The following ARHGAP11B variants were observed in gnomAD, a reference collection of about 807,000 sequenced individuals.
The protein encoded by ARHGAP11B is Rho GTPase activating protein 11B.
ARHGAP11B carries 14 observed loss-of-function variants against 27.6 expected under a neutral mutation model. The ratio of observed to expected loss-of-function variants is 0.51; its 90% CI spans 0.34 to 0.79. The LOEUF is 0.79. ARHGAP11B is among the 30% of genes least tolerant of loss of function. ARHGAP11B has a pLI of 0.02. For synonymous variants in ARHGAP11B, 82 were observed against 114.1 expected (o/e 0.72, Z 1.80); for missense variants, 245 against 320.1 (o/e 0.77, Z 1.79).
At chr15:30,641,801 C>T (rs922850665) in intron 7 of ARHGAP11B, among the ~76,000 whole-genome samples, 2 of 151,916 alleles carry the variant, frequency 1.3e-5, no homozygotes, top group African/African-American at 4.8e-5. Context: ...ACTACAACAT[C>T]CACCTCCGAT....
chr15:30,639,971 A>AGT (rs71103435), intron 7 of ARHGAP11B, among the ~76,000 whole-genome samples: 19,439 of 143,194 alleles, frequency 0.14, 1,064 homozygotes, highest in African/African-American at 0.18. Flanking sequence ...TTCAATATAG[A>AGT]GTGTGTGTGT....
rs909785903 is a variant in ARHGAP11B at position 30,630,899 on chromosome 15, G to C, written c.200+126G>C. The C allele has an allele frequency of 9.2e-6, 14 of 1,516,048 alleles. No individual in the cohort carries two copies. The African/African-American group carries it at 2.0e-4, about 21-fold the overall frequency. 93.9% of individuals were successfully genotyped at this position (1,516,048 alleles called of 1,614,324 possible). A position where few individuals can be genotyped will look rare whatever the true frequency, so the allele number is the denominator to read the frequency against. On this transcript the variant is annotated intron_variant, in intron 2 of 10. Coordinates refer to ENST00000428041, the Ensembl canonical transcript of ARHGAP11B. ...GCTTAAGACCAGCCTGGGCAACATG[G>C]TGAGACCTTGTCGCAAAAGATAGAA...
chr15:30,629,431 G>A lies in ARHGAP11B; in HGVS notation c.130-1272G>A, dbSNP rs1291826230. Among the ~76,000 whole-genome samples, 9 of 152,028 alleles carry A rather than the reference G, an allele frequency of 5.9e-5. No individual in the cohort carries two copies. In the East Asian group the frequency reaches 7.8e-4, roughly 13 times the overall value. ...TAGCTGGGCGTGGTGGCGGGCGCCTGTAGTCCCAGCTACTCGGGAAGCTGA... is the reference window on the plus strand; with the variant it reads ...TAGCTGGGCGTGGTGGCGGGCGCCTATAGTCCCAGCTACTCGGGAAGCTGA... On this transcript the variant is annotated intron_variant, in intron 1 of 10. Coordinates refer to ENST00000428041, the Ensembl canonical transcript of ARHGAP11B.
chr15:30,630,736 C>T (rs772865447), exon 2 of ARHGAP11B: 2 of 1,611,526 alleles, frequency 1.2e-6, no homozygotes, highest in Non-Finnish European at 1.7e-6. Flanking sequence ...TAATGCACTG[C>T]CCCATTCTGC....
At chr15:30,629,735 AGTT>A (rs1406574802) in intron 1 of ARHGAP11B, among the ~76,000 whole-genome samples, 1 of 152,104 alleles carries the variant, frequency 6.6e-6, no homozygotes, top group Non-Finnish European at 1.5e-5. Context: ...TTTATTGTAA[AGTT>A]AAATATAATG....
chr15:30,647,209 A>T (rs2060355434), intron 9 of ARHGAP11B, among the ~76,000 whole-genome samples: 1 of 151,512 alleles, frequency 6.6e-6, no homozygotes, highest in Non-Finnish European at 1.5e-5. Flanking sequence ...GCTTATGGGA[A>T]TTTGTCAGCG....
intron 1 of ARHGAP11B, among the ~76,000 whole-genome samples, chr15:30,629,433 A>T (rs2077417722): frequency 6.6e-6 from 1 of 152,038 alleles, no homozygotes. Context: ...GGGCGCCTGT[A>T]GTCCCAGCTA....
intron 7 of ARHGAP11B, among the ~76,000 whole-genome samples, chr15:30,641,959 G>A (rs946120994): frequency 1.3e-5 from 2 of 151,864 alleles, no homozygotes; most frequent in African/African-American, 2.4e-5. Context: ...CAAGCAATCT[G>A]CCCTCCTCAG....
At chr15:30,644,721 T>C (rs2060336072) in intron 8 of ARHGAP11B, 8 of 1,496,722 alleles carry the variant, frequency 5.3e-6, no homozygotes, top group Non-Finnish European at 6.4e-6. Context: ...ATAAAGGACT[T>C]ATCGAACATG....
exon 6 of ARHGAP11B, chr15:30,635,616 G>A: frequency 2.5e-6 from 4 of 1,613,584 alleles, no homozygotes; most frequent in Non-Finnish European, 3.4e-6. Context: ...AAGAGAAAGA[G>A]AAGACAACGT....
rs1327836842 is a variant in ARHGAP11B at position 30,635,495 on chromosome 15, C to G, written c.669C>G (p.Tyr223Ter). The G allele has an allele frequency of 6.2e-7, 1 of 1,613,148 alleles. No individual in the cohort carries two copies. Among genetic ancestry groups the G allele is most frequent in the African/African-American group, 1.3e-5 (1 of 74,778 alleles). Residue 223 changes from tyrosine to a stop codon, truncating the protein, a stop_gained, in exon 6 of 11, where the codon TAC becomes TAG. Transcript: ENST00000428041. LOFTEE classifies it high-confidence loss of function. ...TGAACATTTTCATTTAGGGCGTGTA[C>G]CAGACTTTATCCTGGAAAAGATACC...
chr15:30,630,811 G>T, intron 2 of ARHGAP11B, 38 bp downstream of exon 2: 1 of 1,604,432 alleles, frequency 6.2e-7, no homozygotes, highest in Non-Finnish European at 8.5e-7. Context: ...CGGGTGCAGT[G>T]GCATATGCCT....
intron 6 of ARHGAP11B, 85 bp downstream of exon 6, chr15:30,635,718 A>G (rs1025625237): frequency 1.7e-5 from 24 of 1,397,958 alleles, no homozygotes; most frequent in Non-Finnish European, 1.5e-5. Flanking sequence ...GAACTGTGGT[A>G]TGTGCCTTTT....
chr15:30,632,313 C>T (rs1394049736), intron 2 of ARHGAP11B, among the ~76,000 whole-genome samples: 5 of 142,330 alleles, frequency 3.5e-5, no homozygotes, highest in African/African-American at 1.3e-4. Flanking sequence ...CCCAGCTAGT[C>T]GGGAGGCTGA....
intron 7 of ARHGAP11B, among the ~76,000 whole-genome samples, chr15:30,639,446 T>C (rs2060301975): frequency 6.6e-6 from 1 of 151,518 alleles, no homozygotes. Context: ...ATTTAAGTAA[T>C]TGCAGAGTGT....
At chr15:30,627,334 C>T in intron 1 of ARHGAP11B, among the ~76,000 whole-genome samples, 1 of 151,966 alleles carries the variant, frequency 6.6e-6, no homozygotes, top group East Asian at 1.9e-4. Context: ...CGGATATTGC[C>T]AGCTTACTGT....
rs181244618 is a variant in ARHGAP11B, at chr15:30,631,816, C to T, written c.200+1043C>T. Among the ~76,000 whole-genome samples, 693 of 127,786 alleles carry T rather than the reference C, an allele frequency of 5.4e-3. 7 individuals are homozygous for T. The highest frequency in any genetic ancestry group is 0.019 in the African/African-American group (641 of 33,604). 83.8% of individuals were successfully genotyped at this position (127,786 alleles called of 152,430 possible). A position where few individuals can be genotyped will look rare whatever the true frequency, so the allele number is the denominator to read the frequency against. On this transcript the variant is annotated intron_variant, in intron 2 of 10. Transcript: ENST00000428041. ...TTTTTTTTTTTTTGAGACAGAGTTT[C>T]GCTCTTGTCGCCCAGGCTGGAGTGC...
At position 30,648,176 on chromosome 15, in the gene ARHGAP11B, A is replaced by G. The variant is rs537903762; in HGVS notation, c.*372-128A>G. On this transcript the variant is annotated intron_variant, in intron 10 of 10. Transcript: ENST00000428041. Reference sequence around the variant, plus strand: ...TGTATTAATTTAGTTATACTTCCTCAAAGTTTCCCTTGGCCACCCTTATCT... The same window carrying G: ...TGTATTAATTTAGTTATACTTCCTCGAAGTTTCCCTTGGCCACCCTTATCT... Among the ~76,000 whole-genome samples the G allele has an allele frequency of 2.6e-5, 4 of 152,106 alleles. No homozygotes were observed. In the East Asian group the frequency reaches 5.8e-4, roughly 22 times the overall value.
intron 1 of ARHGAP11B, among the ~76,000 whole-genome samples, chr15:30,627,154 A>C (rs2060214764): frequency 6.6e-6 from 1 of 151,898 alleles, no homozygotes; most frequent in Non-Finnish European, 1.5e-5. Flanking sequence ...CATTGAGAGA[A>C]AGTTGCAGGA....
Sources: gnomAD v4.1 joint callset for allele counts (sites outside exome capture counted in the v4.1 genomes callset) on GRCh38, gnomAD v4.1.1 for gene constraint, MANE v1.5 for transcripts, NCBI Gene and HGNC (gene_info 2026-07-23, HGNC 2026-07-21) for gene names.